Variants in DLG2 observed in about 807,000 individuals in gnomAD.
DLG2 encodes disks large homolog 2.
Under a neutral mutation model 132.5 loss-of-function variants are expected in DLG2, and 45 were observed. The observed-to-expected ratio is 0.34, with a 90% confidence interval of 0.27 to 0.44. DLG2 has a LOEUF of 0.44. Among genes scored for constraint, DLG2 ranks in the 20% least tolerant of loss-of-function variants. The pLI is 1.00. For missense variants in DLG2, 1,045 were observed against 1,196.9 expected, an observed-to-expected ratio of 0.87 and a Z score of 1.87; for synonymous variants, 424 against 419.6, an observed-to-expected ratio of 1.01 and a Z score of -0.13.
At chr11:85,089,987 T>C (rs1246450215) in intron 6 of DLG2, among the ~76,000 whole-genome samples, 2 of 152,200 alleles carry the variant, frequency 1.3e-5, no homozygotes, top group African/African-American at 4.8e-5. Flanking sequence ...GATCTGATTT[T>C]ATTTCTGACA....
intron 3 of DLG2, among the ~76,000 whole-genome samples, chr11:85,517,538 G>A (rs1442451818): frequency 6.6e-6 from 1 of 151,826 alleles, no homozygotes; most frequent in Non-Finnish European, 1.5e-5. Context: ...AAACCCCAAA[G>A]CTTTGGGAAA....
chr11:84,938,886 T>C (rs2154096037), intron 6 of DLG2, among the ~76,000 whole-genome samples: 1 of 152,284 alleles, frequency 6.6e-6, no homozygotes, highest in African/African-American at 2.4e-5. Context: ...CATAGATAAA[T>C]ATAACCCTTT....
intron 3 of DLG2, among the ~76,000 whole-genome samples, chr11:85,472,501 T>C (rs1045707008): frequency 3.9e-5 from 6 of 152,138 alleles, no homozygotes; most frequent in African/African-American, 1.2e-4. Context: ...GGTTCCTCCA[T>C]GTTGGCCAGG....
At chr11:84,050,487 T>C (rs1315331513) in intron 11 of DLG2, among the ~76,000 whole-genome samples, 1 of 152,012 alleles carries the variant, frequency 6.6e-6, no homozygotes, top group Non-Finnish European at 1.5e-5. Flanking sequence ...ACTCTGATGG[T>C]AGTTTCTTTC....
chr11:85,174,850 C>T lies in DLG2; in HGVS notation c.187-20199G>A, dbSNP rs759531798. ...CTATAATAAACACCTCTATGCACAT[C>T]AACTAGAAAATCTAGAAGAAATTGA... is the stretch of plus-strand genomic sequence containing the variant. On this transcript the variant is annotated intron_variant, in intron 4 of 27. Transcript: ENST00000376104. Among the ~76,000 whole-genome samples, 35 of 151,822 alleles carry T rather than the reference C, an allele frequency of 2.3e-4. 1 individual carries two copies. Among genetic ancestry groups the T allele is most frequent in the Non-Finnish European group, 2.8e-4 (19 of 67,886 alleles).
At chr11:85,546,818 CTTTTTT>C (rs34822004) in intron 3 of DLG2, among the ~76,000 whole-genome samples, 2 of 69,000 alleles carry the variant, frequency 2.9e-5, no homozygotes, top group South Asian at 5.8e-4. Context: ...ATAACCCCTG[CTTTTTT>C]TTTTTTTTTT....
chr11:84,549,779 A>T (rs1235877206), intron 6 of DLG2, among the ~76,000 whole-genome samples: 1 of 151,926 alleles, frequency 6.6e-6, no homozygotes, highest in Non-Finnish European at 1.5e-5. Context: ...TTTGAGATGG[A>T]GTCTCGCTCT....
At chr11:85,193,091 C>T in intron 4 of DLG2, among the ~76,000 whole-genome samples, 1 of 152,158 alleles carries the variant, frequency 6.6e-6, no homozygotes, top group East Asian at 1.9e-4. Context: ...GTCTATTCCC[C>T]CTTCCTCCAG....
chr11:84,668,453 G>A lies in DLG2; in HGVS notation c.358-133722C>T, dbSNP rs146966884. Among the ~76,000 whole-genome samples the A allele has an allele frequency of 3.0e-3, 453 of 152,240 alleles. 4 individuals are homozygous for A. Among genetic ancestry groups the A allele is most frequent in the African/African-American group, 0.01 (417 of 41,544 alleles). ...CCAGCTTCCCAAATACCATTTCTGTGAAGAGAATTGCTGTGATCAGAATGC... is the reference window on the plus strand; with the variant it reads ...CCAGCTTCCCAAATACCATTTCTGTAAAGAGAATTGCTGTGATCAGAATGC... On this transcript the variant is annotated intron_variant, in intron 6 of 27. Transcript: ENST00000376104.
At chr11:84,263,301 T>G (rs554831060) in intron 7 of DLG2, among the ~76,000 whole-genome samples, 32 of 152,162 alleles carry the variant, frequency 2.1e-4, no homozygotes, top group African/African-American at 6.0e-4. Context: ...ACATAGAAAG[T>G]TAGGAGACAG....
At chr11:85,110,420 AAAT>A (rs1468803278) in intron 6 of DLG2, among the ~76,000 whole-genome samples, 1 of 152,038 alleles carries the variant, frequency 6.6e-6, no homozygotes, top group Non-Finnish European at 1.5e-5. Context: ...TCTGTCTCAA[AAAT>A]AAAAACCAAA....
At chr11:84,719,865 T>A (rs940120324) in intron 6 of DLG2, among the ~76,000 whole-genome samples, 6 of 152,116 alleles carry the variant, frequency 3.9e-5, no homozygotes, top group Admixed American at 3.9e-4. Flanking sequence ...TCAGTTTATC[T>A]AGAGTTCATC....
intron 6 of DLG2, among the ~76,000 whole-genome samples, chr11:84,718,877 C>A (rs1162524497): frequency 6.6e-6 from 1 of 152,106 alleles, no homozygotes; most frequent in Non-Finnish European, 1.5e-5. Context: ...TTCGGGGTTT[C>A]CAAAGGAACA....
At chr11:84,941,591 G>C (rs947141118) in intron 6 of DLG2, among the ~76,000 whole-genome samples, 1 of 151,874 alleles carries the variant, frequency 6.6e-6, no homozygotes, top group African/African-American at 2.4e-5. Flanking sequence ...TGATCACAAC[G>C]AGTGATCTTT....
chr11:85,537,905 A>G (rs927286187), intron 3 of DLG2, among the ~76,000 whole-genome samples: 23 of 151,888 alleles, frequency 1.5e-4, no homozygotes, highest in African/African-American at 5.6e-4. Context: ...TCATGAGGTC[A>G]GGAGATTGAG....
chr11:85,546,840 T>G (rs1208214614), intron 3 of DLG2, among the ~76,000 whole-genome samples: 3 of 112,650 alleles, frequency 2.7e-5, no homozygotes, highest in Non-Finnish European at 5.6e-5. Context: ...TTTTTTTTTT[T>G]GCTTTCCATT....
intron 6 of DLG2, among the ~76,000 whole-genome samples, chr11:85,055,706 G>A (rs1191261274): frequency 6.6e-6 from 1 of 152,128 alleles, no homozygotes; most frequent in Non-Finnish European, 1.5e-5. Flanking sequence ...AAGTGGGGAA[G>A]GAGACTATGA....
At chr11:85,056,148 A>G (rs1288365305) in intron 6 of DLG2, among the ~76,000 whole-genome samples, 2 of 152,272 alleles carry the variant, frequency 1.3e-5, no homozygotes, top group South Asian at 2.1e-4. Flanking sequence ...TGATACAGAT[A>G]TTAGAGTTAT....
chr11:83,569,202 T>C (rs1269977722), intron 19 of DLG2, among the ~76,000 whole-genome samples: 1 of 151,802 alleles, frequency 6.6e-6, no homozygotes, highest in Non-Finnish European at 1.5e-5. Context: ...CTTTATGCTG[T>C]TTTTTTTAAT....
Sources: allele counts gnomAD v4.1 joint callset (sites outside exome capture counted in the v4.1 genomes callset), GRCh38; gene constraint gnomAD v4.1.1; transcripts MANE v1.5; gene names NCBI Gene and HGNC (gene_info 2026-07-23, HGNC 2026-07-21).